TTC7B: variants seen among roughly 807,000 people sequenced by gnomAD.
TTC7B encodes the protein tetratricopeptide repeat protein 7B.
TTC7B carries 28 observed loss-of-function variants against 106.8 expected under a neutral mutation model. The ratio of observed to expected loss-of-function variants is 0.26; its 90% CI spans 0.19 to 0.36. The LOEUF (loss-of-function observed/expected upper bound fraction) is 0.36, where lower values mean the gene tolerates loss of function less well. TTC7B is among the 10% of genes least tolerant of loss of function. The pLI, the probability that TTC7B is intolerant of heterozygous loss-of-function variation, is 1.00. For missense variants in TTC7B, 862 were observed against 1,076.4 expected (o/e 0.80, Z 2.79); for synonymous variants, 405 against 430.6 (o/e 0.94, Z 0.74).
Position 90,540,038 on chromosome 14 carries a change from C to T in TTC7B, c.*1330G>A, listed in dbSNP as rs904552883. On this transcript the variant is annotated 3_prime_UTR_variant, in exon 20 of 20. Transcript: ENST00000328459. ...AAGCCCCATCGGGGGAGAGCTAAGG[C>T]GAATTCCCAAACCAAAACCAGGGCT... 12 of 152,272 alleles carry T rather than the reference C, an allele frequency of 7.9e-5. No homozygotes were observed. The highest frequency in any genetic ancestry group is 2.4e-4 in the African/African-American group (10 of 41,460). 9.4% of individuals were successfully genotyped at this position (152,272 alleles called of 1,614,324 possible).
At chr14:90,593,401 C>G in intron 18 of TTC7B, 85 bp downstream of exon 18, 2 of 1,467,634 alleles carry the variant, frequency 1.4e-6, no homozygotes, top group Non-Finnish European at 1.8e-6. Flanking sequence ...GACAAGCGCC[C>G]AGGCTCTGGC....
rs1360821852 is a variant in TTC7B at position 90,593,608 on chromosome 14, G to A, written c.1985C>T (p.Ser662Leu). The change falls in exon 18 of 20, where the codon TCG (serine) becomes TTG (leucine). Residue 662 changes from serine to leucine, a missense_variant. Ser to Leu is a moderately radical substitution (Grantham distance 145, BLOSUM62 -2). Transcript: ENST00000328459. ...CTGCTCCACTCTTGAGGCTGCTACC[G>A]ATGTGGCATGGACGGAGCCTGTGAG... ...DPETGSVHAT[S>L]VAASRVEQAL... The A allele has an allele frequency of 3.1e-6, 5 of 1,610,038 alleles. No homozygotes were observed. The highest frequency in any genetic ancestry group is 1.1e-5 in the South Asian group (1 of 90,532).
Position 90,759,896 on chromosome 14 carries a change from G to T in TTC7B, c.446-14974C>A, listed in dbSNP as rs556472307. 1.3e-5 allele frequency among the ~76,000 whole-genome samples: 2 copies of T among 152,302 alleles called. No individual in the cohort carries two copies. Among genetic ancestry groups the T allele is most frequent in the African/African-American group, 4.8e-5 (2 of 41,578 alleles). On this transcript the variant is annotated intron_variant, in intron 3 of 19. Coordinates refer to ENST00000328459, the MANE Select transcript of TTC7B (RefSeq NM_001010854.2). The surrounding 1 kb of genome is among the most constrained non-coding windows in gnomAD (Gnocchi z 4.1). ...TGCAGCAGGCACTGTTGTCCCTGGC[G>T]CACATGCAGGGAGATAAAGCAGGCA... is the stretch of plus-strand genomic sequence containing the variant.
intron 5 of TTC7B, among the ~76,000 whole-genome samples, chr14:90,719,210 G>T (rs1217621588): frequency 1.3e-5 from 2 of 152,118 alleles, no homozygotes; most frequent in African/African-American, 4.8e-5. Context: ...GGAGGTCAAG[G>T]CTGCAGTGGG....
intron 17 of TTC7B, chr14:90,603,143 A>T: frequency 1.4e-6 from 1 of 721,652 alleles, no homozygotes; most frequent in Non-Finnish European, 2.1e-6. Context: ...AGGGATGTCC[A>T]CGTCATCTCA....
intron 19 of TTC7B, among the ~76,000 whole-genome samples, chr14:90,568,437 C>T (rs927310290): frequency 6.6e-6 from 1 of 152,220 alleles, no homozygotes; most frequent in Non-Finnish European, 1.5e-5. Flanking sequence ...TAATGACAGA[C>T]TGAACTGTAC....
chr14:90,582,245 G>A (rs1426931331), intron 18 of TTC7B, among the ~76,000 whole-genome samples: 1 of 152,212 alleles, frequency 6.6e-6, no homozygotes, highest in African/African-American at 2.4e-5. Context: ...GCGCCACTGG[G>A]AACACTAGGG....
intron 19 of TTC7B, among the ~76,000 whole-genome samples, chr14:90,552,535 C>G (rs2139773651): frequency 6.6e-6 from 1 of 152,346 alleles, no homozygotes; most frequent in South Asian, 2.1e-4. Context: ...CCTGCCCACC[C>G]CCAGGCTCTC....
intron 19 of TTC7B, among the ~76,000 whole-genome samples, chr14:90,553,694 G>A (rs144198467): frequency 1.8e-4 from 27 of 152,278 alleles, no homozygotes; most frequent in East Asian, 5.8e-4. Flanking sequence ...CCAGAACAGC[G>A]CACGCTCCCT....
intron 5 of TTC7B, chr14:90,698,826 C>A (rs1325642962): frequency 1.1e-5 from 2 of 187,404 alleles, no homozygotes; most frequent in East Asian, 1.8e-4. Context: ...CTGTCCTCAG[C>A]CCATTATGGA....
intron 16 of TTC7B, among the ~76,000 whole-genome samples, chr14:90,615,149 A>G (rs1006573759): frequency 6.6e-6 from 1 of 152,254 alleles, no homozygotes; most frequent in Non-Finnish European, 1.5e-5. Flanking sequence ...AAGTTTTCCA[A>G]TGCTCAGTTT....
intron 4 of TTC7B, among the ~76,000 whole-genome samples, chr14:90,738,548 A>C (rs1012126128): frequency 6.6e-6 from 1 of 152,052 alleles, no homozygotes; most frequent in East Asian, 1.9e-4. Context: ...CGGAGGTTGC[A>C]GTGTGCCAAG....
chr14:90,642,400 G>A (rs1595236247), intron 15 of TTC7B, among the ~76,000 whole-genome samples: 1 of 152,236 alleles, frequency 6.6e-6, no homozygotes, highest in East Asian at 1.9e-4. Context: ...TGATGAGGCA[G>A]TGAAATAAAG....
In TTC7B at chr14:90,644,070, T is replaced by C. The variant is rs752203174; in HGVS notation, c.1729A>G (p.Ser577Gly). 8.7e-6 allele frequency: 14 copies of C among 1,614,020 alleles called. No homozygotes were observed. Among genetic ancestry groups the C allele is most frequent in the Non-Finnish European group, 1.2e-5 (14 of 1,180,002 alleles). ...TACATGAAATTTTCTGGGTATTCAC[T>C]CAGGGCCATGTCGATGATGTTCAGA... ...DALNIIDMAL[S>G]EYPENFILLF... The change falls in exon 15 of 20, where the codon AGT becomes GGT. Residue 577 changes from serine (S) to glycine (G), a missense_variant. Coordinates refer to ENST00000328459, the MANE Select transcript of TTC7B (RefSeq NM_001010854.2).
chr14:90,555,203 G>A (rs977687103), intron 19 of TTC7B, among the ~76,000 whole-genome samples: 2 of 152,222 alleles, frequency 1.3e-5, no homozygotes, highest in African/African-American at 4.8e-5. Flanking sequence ...ATGGTCAGCT[G>A]ACCCTGGACC....
In TTC7B at chr14:90,757,448, AAAAG is replaced by A. The variant is rs1157069011; in HGVS notation, c.446-12530_446-12527del. ...GACAGGGCAGGACCCTGTCTCTAAA[AAAAG>A]AAAGAAAGAAAAGAAAAGCAGATTC... On this transcript the variant is annotated intron_variant, in intron 3 of 19. Transcript: ENST00000328459. The surrounding 1 kb of genome is among the most constrained non-coding windows in gnomAD (Gnocchi z 4.1). 2.0e-5 allele frequency among the ~76,000 whole-genome samples: 3 copies of A among 152,142 alleles called. No individual in the cohort carries two copies. Among genetic ancestry groups the A allele is most frequent in the Non-Finnish European group, 4.4e-5 (3 of 68,022 alleles).
chr14:90,595,105 G>A (rs1365957232), intron 17 of TTC7B, among the ~76,000 whole-genome samples: 5 of 151,898 alleles, frequency 3.3e-5, no homozygotes, highest in South Asian at 2.1e-4. Flanking sequence ...AGGCCGAGGC[G>A]GGCAGATCAG....
chr14:90,767,122 G>T, intron 3 of TTC7B: 1 of 597,420 alleles, frequency 1.7e-6, no homozygotes, highest in African/African-American at 1.9e-5. Context: ...GGGAGGCTGA[G>T]GCAGGAGCAT....
chr14:90,705,904 A>G (rs902793625), intron 5 of TTC7B, among the ~76,000 whole-genome samples: 5 of 152,098 alleles, frequency 3.3e-5, no homozygotes, highest in African/African-American at 1.2e-4. Context: ...AGAGTTTCCC[A>G]CTGGCTAGAA....
Sources: gnomAD v4.1 joint callset for allele counts (sites outside exome capture counted in the v4.1 genomes callset) on GRCh38, gnomAD v4.1.1 for gene constraint, Gnocchi (gnomAD v3.1) non-coding constraint, MANE v1.5 for transcripts, NCBI Gene and HGNC (gene_info 2026-07-23, HGNC 2026-07-21) for gene names.